The following KCNJ1 variants were observed in gnomAD, a reference collection of about 807,000 sequenced individuals.
KCNJ1 encodes the protein ATP-sensitive inward rectifier potassium channel 1.
In KCNJ1, 24 loss-of-function variants were observed where a neutral mutation model predicts 21.9. That is an observed-to-expected ratio of 1.10 (90% confidence interval 0.79 to 1.54). The LOEUF is 1.54. Ranked by LOEUF, KCNJ1 falls within the 40% of genes most tolerant of loss-of-function variation. The pLI, the probability that KCNJ1 is intolerant of heterozygous loss-of-function variation, is 0.00. For synonymous variants in KCNJ1, 152 were observed against 160.9 expected, an observed-to-expected ratio of 0.94 and a Z score of 0.42; for missense variants, 457 against 455.4, an observed-to-expected ratio of 1.00 and a Z score of -0.03.
intron 2 of KCNJ1, among the ~76,000 whole-genome samples, chr11:128,844,847 A>G: frequency 6.9e-6 from 1 of 144,458 alleles, no homozygotes; most frequent in African/African-American, 2.5e-5. Flanking sequence ...TAGAAATGGA[A>G]AAAAAAAAAA....
Position 128,839,988 on chromosome 11 carries a change from T to C in KCNJ1, c.256A>G (p.Ile86Val), listed in dbSNP as rs1014935858. The change falls in exon 3 of 3, where the codon ATT becomes GTT. Residue 86 changes from isoleucine (I) to valine (V), a missense_variant. By Grantham distance (29) the Ile-to-Val change is conservative. Coordinates refer to ENST00000392666, the MANE Select transcript of KCNJ1 (RefSeq NM_153766.3). ...TGGAATTCCGGGAGGTCTTTGTGAA[T>C]GTACGCTACTGCATACCACAGGAGA... ...FGLLWYAVAY[I>V]HKDLPEFHPS... 5.0e-6 allele frequency: 8 copies of C among 1,614,046 alleles called. No homozygotes were observed. Among genetic ancestry groups the C allele is most frequent in the Non-Finnish European group, 6.8e-6 (8 of 1,180,038 alleles).
In KCNJ1 at chr11:128,839,955, C is replaced by T. The variant is rs1171427929; in HGVS notation, c.289G>A (p.Ala97Thr). Residue 97 changes from alanine to threonine, a missense_variant, in exon 3 of 3, where the codon GCC (alanine) becomes ACC (threonine). Transcript: ENST00000392666. ...HKDLPEFHPS[A>T]NHTPCVENIN... ...TTCTCCACACAGGGAGTGTGATTGG[C>T]AGAAGGATGGAATTCCGGGAGGTCT... The T allele has an allele frequency of 1.2e-6, 2 of 1,613,966 alleles. No individual in the cohort carries two copies. Among genetic ancestry groups the T allele is most frequent in the Admixed American group, 1.7e-5 (1 of 59,996 alleles).
At chr11:128,851,690 TG>T (rs138941460) in intron 1 of KCNJ1, among the ~76,000 whole-genome samples, 2,641 of 152,348 alleles carry the variant, frequency 0.017, 85 homozygotes, top group African/African-American at 0.06. Context: ...GGATTCCATG[TG>T]GACGGGAGGC....
At chr11:128,860,364 AAG>A (rs2135959899) in intron 1 of KCNJ1, among the ~76,000 whole-genome samples, 1 of 152,342 alleles carries the variant, frequency 6.6e-6, no homozygotes, top group South Asian at 2.1e-4. Context: ...GACAATGTAA[AAG>A]AGAGGCAATG....
chr11:128,866,304 A>G (rs1035090630), intron 1 of KCNJ1, among the ~76,000 whole-genome samples: 14 of 152,232 alleles, frequency 9.2e-5, no homozygotes, highest in African/African-American at 3.4e-4. Flanking sequence ...AGGTACAACC[A>G]GCAGATCAAA....
Position 128,867,217 on chromosome 11 carries a change from T to A in KCNJ1, c.-236A>T, listed in dbSNP as rs1209701900. The A allele has an allele frequency of 6.6e-6, 1 of 152,172 alleles. No individual in the cohort carries two copies. The highest frequency in any genetic ancestry group is 2.4e-5 in the African/African-American group (1 of 41,434). 9.4% of individuals were successfully genotyped at this position (152,172 alleles called of 1,614,324 possible). A position where few individuals can be genotyped will look rare whatever the true frequency, so the allele number is the denominator to read the frequency against. On this transcript the variant is annotated 5_prime_UTR_variant, in exon 1 of 3. In the 5' UTR this introduces an upstream ATG that the reference lacks. Coordinates refer to ENST00000392666, the MANE Select transcript of KCNJ1 (RefSeq NM_153766.3). The stretch of plus-strand genomic sequence containing the variant: ...AATGTAGAAACAAAAACTCATTTTC[T>A]TGGTCTCCAAGAAAGCAACCAGATT...
chr11:128,857,200 G>A (rs1943605953), intron 1 of KCNJ1, among the ~76,000 whole-genome samples: 1 of 152,180 alleles, frequency 6.6e-6, no homozygotes, highest in Non-Finnish European at 1.5e-5. Context: ...GCTGCTCCAT[G>A]TCGCTAGGGA....
rs1943362619 is a variant in KCNJ1, at chr11:128,845,490, C to G, written c.-21-5226G>C. ...TCTCAAGCTATTGGAGGATCACCAC[C>G]CTGCTGGATCTGCAAAGGTTCAGAG... On this transcript the variant is annotated intron_variant, in intron 2 of 2. Transcript: ENST00000392666. Among the ~76,000 whole-genome samples the G allele has an allele frequency of 2.0e-5, 3 of 152,156 alleles. No homozygotes were observed. In the South Asian group the frequency reaches 6.2e-4, roughly 32 times the overall value.
At chr11:128,853,662 T>C (rs73575692) in intron 1 of KCNJ1, among the ~76,000 whole-genome samples, 14,221 of 152,258 alleles carry the variant, frequency 0.093, 1,092 homozygotes, top group African/African-American at 0.22. Context: ...ATGAGAATTA[T>C]ATTGCAATAA....
At position 128,848,874 on chromosome 11, in the gene KCNJ1, G is replaced by C. The variant is rs139046281; in HGVS notation, c.-22+1847C>G. 2.3e-3 allele frequency among the ~76,000 whole-genome samples: 349 copies of C among 152,364 alleles called. 3 individuals carry two copies. The highest frequency in any genetic ancestry group is 0.01 in the Middle Eastern group (3 of 294). On this transcript the variant is annotated intron_variant, in intron 2 of 2. Coordinates refer to ENST00000392666, the MANE Select transcript of KCNJ1 (RefSeq NM_153766.3). ...GGTAAAAATGGAAGTGCAAGGCACAGATGAATGAAGAAAAAGGCTGGGGCT... is the reference window on the plus strand; with the variant it reads ...GGTAAAAATGGAAGTGCAAGGCACACATGAATGAAGAAAAAGGCTGGGGCT...
intron 1 of KCNJ1, among the ~76,000 whole-genome samples, chr11:128,859,286 G>A (rs1477779438): frequency 1.3e-5 from 2 of 152,190 alleles, no homozygotes; most frequent in African/African-American, 4.8e-5. Context: ...ACAGGGTCTT[G>A]CTCTGTTGCC....
chr11:128,849,384 T>C (rs1943442670), intron 2 of KCNJ1, among the ~76,000 whole-genome samples: 1 of 152,220 alleles, frequency 6.6e-6, no homozygotes, highest in African/African-American at 2.4e-5. Flanking sequence ...TTGCTTTGTG[T>C]GAGTGATCAC....
At chr11:128,855,241 C>G (rs1184133440) in intron 1 of KCNJ1, among the ~76,000 whole-genome samples, 1 of 152,120 alleles carries the variant, frequency 6.6e-6, no homozygotes, top group Non-Finnish European at 1.5e-5. Context: ...CTTACCCTCC[C>G]ACATTTCCAA....
intron 1 of KCNJ1, among the ~76,000 whole-genome samples, chr11:128,863,598 A>G (rs751599591): frequency 2.0e-5 from 3 of 152,338 alleles, no homozygotes; most frequent in East Asian, 1.9e-4. Context: ...TTTGAGTTGC[A>G]TATTTCTGCA....
intron 2 of KCNJ1, among the ~76,000 whole-genome samples, chr11:128,846,601 C>T (rs1313318351): frequency 1.3e-5 from 2 of 152,168 alleles, no homozygotes; most frequent in Non-Finnish European, 2.9e-5. Flanking sequence ...AAAATACAAA[C>T]ATGTTTTATA....
In KCNJ1 at chr11:128,839,269, A is replaced by G. The variant is rs765212326; in HGVS notation, c.975T>C (p.Phe325=). 2.5e-6 allele frequency: 4 copies of G among 1,614,020 alleles called. No homozygotes were observed. The highest frequency in any genetic ancestry group is 1.7e-5 in the Admixed American group (1 of 59,994). Residue 325 remains phenylalanine (F), a synonymous_variant, in exon 3 of 3, where the codon TTT becomes TTC. Transcript: ENST00000392666. ...EGKYRVDFHN[F]SKTVEVETPH... ...GGGTCTCCACTTCCACTGTCTTGCTAAAGTTATGGAAATCCACTCGGTATT... is the reference window on the plus strand; with the variant it reads ...GGGTCTCCACTTCCACTGTCTTGCTGAAGTTATGGAAATCCACTCGGTATT...
rs749177750 is a variant in KCNJ1 at position 128,839,096 on chromosome 11, T to A, written c.*29A>T. 1 of 1,603,392 alleles carries A rather than the reference T, an allele frequency of 6.2e-7. No homozygotes were observed. The highest frequency in any genetic ancestry group is 8.5e-7 in the Non-Finnish European group (1 of 1,173,644). ...TCTAGGTACTAGGAGCTTTAGAGAC[T>A]TTGCTTTACTCCCGTTGAAAAGCCA... On this transcript the variant is annotated 3_prime_UTR_variant, in exon 3 of 3. Transcript: ENST00000392666.
rs548246838 is a variant in KCNJ1 at position 128,846,998 on chromosome 11, G to A, written c.-22+3723C>T. ...ACATTGTCCAAGCCACAAAATGGCC[G>A]AATATCCCCCCATCCTGATGAGTGT... On this transcript the variant is annotated intron_variant, in intron 2 of 2. Coordinates refer to ENST00000392666, the MANE Select transcript of KCNJ1 (RefSeq NM_153766.3). Among the ~76,000 whole-genome samples the A allele has an allele frequency of 2.4e-4, 36 of 152,168 alleles. No individual in the cohort carries two copies. The South Asian group carries it at 7.3e-3, about 31-fold the overall frequency.
intron 1 of KCNJ1, among the ~76,000 whole-genome samples, chr11:128,861,363 G>A (rs1943704033): frequency 1.3e-5 from 2 of 152,224 alleles, no homozygotes; most frequent in Non-Finnish European, 2.9e-5. Flanking sequence ...ATGGTACCAT[G>A]GAGGGGCATG....
Sources: gnomAD v4.1 joint callset for allele counts (sites outside exome capture counted in the v4.1 genomes callset) on GRCh38, gnomAD v4.1.1 for gene constraint, MANE v1.5 for transcripts, NCBI Gene and HGNC (gene_info 2026-07-23, HGNC 2026-07-21) for gene names.